The following PRDX4 variants were observed in gnomAD, a reference collection of about 807,000 sequenced individuals.
PRDX4 encodes the protein peroxiredoxin-4.
Under a neutral mutation model 20.5 loss-of-function variants are expected in PRDX4, and 12 were observed. The ratio of observed to expected loss-of-function variants is 0.58; its 90% CI spans 0.37 to 0.95. The LOEUF (loss-of-function observed/expected upper bound fraction) is 0.95. Among genes scored for constraint, PRDX4 ranks in the 40% least tolerant of loss-of-function variants. The probability of loss-of-function intolerance (pLI) is 0.01; values close to 1 mark genes in which losing one functional copy is unlikely to be tolerated. For missense variants in PRDX4, 180 were observed against 207.3 expected (o/e 0.87, Z 0.81); for synonymous variants, 99 against 87.5 (o/e 1.13, Z -0.73).
Position 23,679,067 on chromosome X carries a change from T to C in PRDX4, c.477-98T>C, listed in dbSNP as rs750711023. 5.6e-6 allele frequency: 5 copies of C among 892,568 alleles called. No homozygotes were observed. The East Asian group carries it at 9.5e-5, about 17-fold the overall frequency. The allele number at this position is 892,568 out of a possible 1,213,427, so 73.6% of individuals were successfully genotyped here. ...GTTTTTGTTAGTGAAAGAATGTGTG[T>C]ATTTCATGTGTGTGCGTGTGCATGT... On this transcript the variant is annotated intron_variant, in intron 3 of 6. Transcript: ENST00000379341.
At chrX:23,674,962 T>C in intron 2 of PRDX4, 28 bp from the exon 3 acceptor site, 2 of 1,199,582 alleles carry the variant, frequency 1.7e-6, no homozygotes, top group African/African-American at 1.7e-5. Context: ...TGGAGAATAC[T>C]GAATATTTTT....
intron 1 of PRDX4, among the ~76,000 whole-genome samples, chrX:23,670,291 T>C (rs1012661411): frequency 3.6e-5 from 4 of 111,911 alleles, no homozygotes; most frequent in African/African-American, 1.3e-4. Flanking sequence ...TTATAACCTC[T>C]CACTTGAGTA....
At chrX:23,685,177 A>G (rs894372872) in intron 6 of PRDX4, among the ~76,000 whole-genome samples, 5 of 111,841 alleles carry the variant, frequency 4.5e-5, no homozygotes, top group African/African-American at 1.6e-4. Flanking sequence ...TACCTTTCAG[A>G]GTGAAATTGT....
intron 4 of PRDX4, among the ~76,000 whole-genome samples, chrX:23,681,226 G>A (rs1409241358): frequency 6.2e-5 from 2 of 32,324 alleles, no homozygotes; most frequent in East Asian, 3.4e-3. Context: ...GCGAGACTCC[G>A]TCTCAAAAAA....
intron 6 of PRDX4, 73 bp from the exon 7 acceptor site, chrX:23,686,204 ATGGGCAAC>A: frequency 2.7e-6 from 2 of 736,781 alleles, no homozygotes; most frequent in Non-Finnish European, 4.0e-6. Context: ...TAGTCAAGGC[ATGGGCAAC>A]TAATGTCAGA....
chrX:23,678,113 G>A (rs1171124409), intron 3 of PRDX4, among the ~76,000 whole-genome samples: 1 of 107,313 alleles, frequency 9.3e-6, no homozygotes, highest in Non-Finnish European at 1.9e-5. Context: ...TTAAAAATAC[G>A]AAAAATAGCT....
At chrX:23,674,606 A>T (rs1353230080) in intron 2 of PRDX4, among the ~76,000 whole-genome samples, 1 of 106,979 alleles carries the variant, frequency 9.3e-6, no homozygotes, top group Non-Finnish European at 1.9e-5. Context: ...TAAAAAAAAA[A>T]TAGTGAAATG....
rs950378848 is a variant in PRDX4 at position 23,675,144 on chromosome X, A to G, written c.476+38A>G. 5.0e-6 allele frequency: 6 copies of G among 1,209,800 alleles called. No individual in the cohort carries two copies. In the African/African-American group the frequency reaches 1.0e-4, roughly 21 times the overall value. The stretch of plus-strand genomic sequence containing the variant: ...CACTTATATTCGTAGAAAAAAAAGA[A>G]TGGATTTACTCTTAAAGCATGGACA... On this transcript the variant is annotated intron_variant, in intron 3 of 6. Transcript: ENST00000379341.
At chrX:23,681,230 CAA>C (rs34759783) in intron 4 of PRDX4, among the ~76,000 whole-genome samples, 1 of 107,483 alleles carries the variant, frequency 9.3e-6, no homozygotes. Flanking sequence ...GACTCCGTCT[CAA>C]AAAAAAATAA....
At chrX:23,671,785 C>A in intron 2 of PRDX4, 139 bp downstream of exon 2, 1 of 437,406 alleles carries the variant, frequency 2.3e-6, no homozygotes. Context: ...AAAAAGGTAA[C>A]ATCTACCATA....
chrX:23,681,043 C>T (rs1188922688), intron 4 of PRDX4, among the ~76,000 whole-genome samples: 1 of 111,335 alleles, frequency 9.0e-6, no homozygotes, highest in Non-Finnish European at 1.9e-5. Flanking sequence ...TCCTGGCTAA[C>T]ACGGTGAAAC....
intron 3 of PRDX4, among the ~76,000 whole-genome samples, chrX:23,678,862 C>T (rs912141470): frequency 1.8e-5 from 2 of 111,128 alleles, no homozygotes; most frequent in African/African-American, 3.3e-5. Context: ...TCGCTTGAGC[C>T]TAGAAGTTTT....
At chrX:23,671,870 A>G (rs916725036) in intron 2 of PRDX4, among the ~76,000 whole-genome samples, 8 of 112,575 alleles carry the variant, frequency 7.1e-5, no homozygotes, top group Non-Finnish European at 9.4e-5. Flanking sequence ...AATTAGAGGA[A>G]AGCTACAATA....
At chrX:23,682,841 AAAAAAAAAAAAAATATATAT>A (rs1334957707) in intron 5 of PRDX4, among the ~76,000 whole-genome samples, 14 of 46,990 alleles carry the variant, frequency 3.0e-4, no homozygotes, top group Non-Finnish European at 5.2e-4. Context: ...AAAAAAAAAA[AAAAAAAAAAAAAATATATAT>A]ATATATATAT....
chrX:23,680,289 T>C (rs897243230), intron 4 of PRDX4, among the ~76,000 whole-genome samples: 1 of 112,145 alleles, frequency 8.9e-6, no homozygotes, highest in Admixed American at 9.5e-5. Context: ...ACTCCAGTAA[T>C]GTTTTTTTCT....
intron 5 of PRDX4, among the ~76,000 whole-genome samples, chrX:23,682,853 A>AATATATATATATATATATATATAT (rs1173209030): frequency 1.1e-3 from 16 of 14,876 alleles, no homozygotes; most frequent in East Asian, 2.8e-3. Context: ...AAAAAAAAAA[A>AATATATATATATATATATATATAT]ATATATATAT....
chrX:23,667,880 G>A (rs764174047), intron 1 of PRDX4, 69 bp downstream of exon 1: 8 of 1,176,094 alleles, frequency 6.8e-6, no homozygotes, highest in Non-Finnish European at 9.1e-6. Flanking sequence ...TTACACCCCC[G>A]GAATCTGGGC....
In PRDX4 at chrX:23,671,564, G is replaced by A. The variant is rs746730149; in HGVS notation, c.277G>A (p.Val93Met). The A allele has an allele frequency of 1.7e-6, 2 of 1,206,427 alleles. No individual in the cohort carries two copies. Among genetic ancestry groups the A allele is most frequent in the South Asian group, 1.8e-5 (1 of 55,890 alleles). ...AGCGCCCTACTGGGAAGGAACAGCT[G>A]TGATCGATGGAGAATTTAAGGAGCT... Reference protein sequence around the residue: ...KPAPYWEGTAVIDGEFKELKL... With the variant: ...KPAPYWEGTAMIDGEFKELKL... Residue 93 changes from valine (V) to methionine (M), a missense_variant, in exon 2 of 7, where the codon GTG becomes ATG. This residue lies in a region of PRDX4 where 105 missense variants were observed against 114.2 expected (regional missense o/e 0.92). Transcript: ENST00000379341.
Position 23,679,174 on chromosome X carries a change from C to T in PRDX4, c.486C>T (p.Thr162=), listed in dbSNP as rs146492889. The change falls in exon 4 of 7, where the codon ACC becomes ACT. Residue 162 remains threonine (T), a synonymous_variant. Transcript: ENST00000379341. ...GTTCTGTTTGTTACAGGATTAATAC[C>T]CCTCGAAGACAAGGAGGACTTGGGC... The part of the protein sequence containing the change: ...SQFTHLAWIN[T]PRRQGGLGPI... 1 of 1,207,458 alleles carries T rather than the reference C, an allele frequency of 8.3e-7. No homozygotes were observed. Among genetic ancestry groups the T allele is most frequent in the Non-Finnish European group, 1.1e-6 (1 of 893,269 alleles).
Sources: allele counts gnomAD v4.1 joint callset (sites outside exome capture counted in the v4.1 genomes callset), GRCh38; gene constraint gnomAD v4.1.1; regional missense constraint gnomAD v4.1.1; transcripts MANE v1.5; gene names NCBI Gene and HGNC (gene_info 2026-07-23, HGNC 2026-07-21).